Variants in CEP41 observed in about 807,000 individuals in gnomAD.
The protein encoded by CEP41 is centrosomal protein of 41 kDa.
CEP41 carries 32 observed loss-of-function variants against 44.3 expected under a neutral mutation model. The observed-to-expected ratio is 0.72, with a 90% confidence interval of 0.54 to 0.97. The LOEUF is 0.97. CEP41 is among the 50% of genes least tolerant of loss of function. The pLI, the probability that CEP41 is intolerant of heterozygous loss-of-function variation, is 0.00. For synonymous variants in CEP41, 151 were observed against 168.5 expected, an observed-to-expected ratio of 0.90 and a Z score of 0.80; for missense variants, 432 against 455.2, an observed-to-expected ratio of 0.95 and a Z score of 0.46.
chr7:130,398,956 G>C lies in CEP41; in HGVS notation c.1057C>G (p.Pro353Ala). 6.2e-7 allele frequency: 1 copy of C among 1,614,206 alleles called. No homozygotes were observed. Among genetic ancestry groups the C allele is most frequent in the Non-Finnish European group, 8.5e-7 (1 of 1,180,026 alleles). The change falls in exon 11 of 11, where the codon CCC (proline) becomes GCC (alanine). Residue 353 changes from proline (P) to alanine (A), a missense_variant. Transcript: ENST00000223208. ...GAGCGGGGGTTTGAGTGGCTGGCGG[G>C]GCCGCCACCTGGCAGATTCTGAGCG... ...RSAQNLPGGG[P>A]ASHSNPRSLS...
Position 130,412,183 on chromosome 7 carries a change from TG to T in CEP41, c.202del (p.Gln68SerfsTer2). ...FKRLKVTTFA[Q>X]LIIQVASLSD... ...TGGAAAAATCAAGAAACTTACCAGCTGGGCAAAAGTTGTAACTTTTAGTCTC... is the reference window on the plus strand; with the variant it reads ...TGGAAAAATCAAGAAACTTACCAGCTGGCAAAAGTTGTAACTTTTAGTCTC... On this transcript the variant is annotated frameshift_variant, in exon 4 of 11. Coordinates refer to ENST00000223208, the MANE Select transcript of CEP41 (RefSeq NM_018718.3). LOFTEE classifies it high-confidence loss of function. The T allele has an allele frequency of 1.9e-6, 3 of 1,541,850 alleles. No individual in the cohort carries two copies. Among genetic ancestry groups the T allele is most frequent in the Non-Finnish European group, 2.7e-6 (3 of 1,114,224 alleles).
intron 5 of CEP41, 105 bp downstream of exon 5, chr7:130,411,017 C>T (rs781991023): frequency 1.5e-5 from 14 of 936,940 alleles, no homozygotes; most frequent in South Asian, 2.6e-5. Flanking sequence ...CAAATAGATA[C>T]ATCAAAGTCC....
chr7:130,437,764 CAAAAAAAAAAA>C lies in CEP41; in HGVS notation c.33+3159_33+3169del, dbSNP rs1171735164. 1.2e-4 allele frequency among the ~76,000 whole-genome samples: 4 copies of C among 32,412 alleles called. No homozygotes were observed. In the South Asian group the frequency reaches 3.4e-3, roughly 27 times the overall value. 21.3% of individuals were successfully genotyped at this position (32,412 alleles called of 152,430 possible). A position where few individuals can be genotyped will look rare whatever the true frequency, so the allele number is the denominator to read the frequency against. ...CCTGGGTGACAAAGCAAGACTGTCTCAAAAAAAAAAAAAAAAAAAAAAAAGAAAAAGAAAAA... is the reference window on the plus strand; with the variant it reads ...CCTGGGTGACAAAGCAAGACTGTCTCAAAAAAAAAAAAAGAAAAAGAAAAA... On this transcript the variant is annotated intron_variant, in intron 1 of 10. Transcript: ENST00000223208.
At chr7:130,412,061 A>T in intron 4 of CEP41, 118 bp downstream of exon 4, 1 of 763,866 alleles carries the variant, frequency 1.3e-6, no homozygotes, top group South Asian at 1.4e-5. Context: ...TAGCTGAACG[A>T]CATACAAAGA....
chr7:130,404,823 C>T lies in CEP41; in HGVS notation c.278-115G>A, dbSNP rs1377508545. Reference sequence around the variant, plus strand: ...AATCTTATCATCATTATTAAATTGTCGTGGAAGTGCTAACGTACAAGTTCC... The same window carrying T: ...AATCTTATCATCATTATTAAATTGTTGTGGAAGTGCTAACGTACAAGTTCC... On this transcript the variant is annotated intron_variant, in intron 5 of 10. Coordinates refer to ENST00000223208, the MANE Select transcript of CEP41 (RefSeq NM_018718.3). The T allele has an allele frequency of 7.8e-5, 70 of 898,152 alleles. 1 individual carries two copies. The highest frequency in any genetic ancestry group is 1.1e-4 in the Non-Finnish European group (60 of 555,054). 55.6% of individuals were successfully genotyped at this position (898,152 alleles called of 1,614,324 possible). A position where few individuals can be genotyped will look rare whatever the true frequency, so the allele number is the denominator to read the frequency against.
At chr7:130,410,034 T>TTTTTTTTTTCTTTTA (rs1797130128) in intron 5 of CEP41, among the ~76,000 whole-genome samples, 1 of 149,490 alleles carries the variant, frequency 6.7e-6, no homozygotes. Context: ...GTCTTCTTTT[T>TTTTTTTTTTCTTTTA]TTTTTTTTTG....
intron 1 of CEP41, among the ~76,000 whole-genome samples, chr7:130,428,428 CAAAAAAAAAAAA>C (rs67847969): frequency 5.3e-5 from 2 of 38,084 alleles, no homozygotes; most frequent in Non-Finnish European, 9.1e-5. Context: ...GACTCTGACT[CAAAAAAAAAAAA>C]AAAAAAAAAA....
At chr7:130,422,985 C>T (rs1400569984) in intron 2 of CEP41, among the ~76,000 whole-genome samples, 2 of 152,230 alleles carry the variant, frequency 1.3e-5, no homozygotes, top group African/African-American at 4.8e-5. Flanking sequence ...CTCGCTCTGT[C>T]ACCGAGGCTG....
At chr7:130,399,840 T>G in intron 10 of CEP41, 199 bp downstream of exon 10, 6 of 549,212 alleles carry the variant, frequency 1.1e-5, no homozygotes, top group African/African-American at 1.9e-5. Flanking sequence ...AAAGTCGCTA[T>G]GTTTTGATAA....
chr7:130,421,953 C>A, intron 2 of CEP41: 1 of 1,535,718 alleles, frequency 6.5e-7, no homozygotes. Context: ...GAAGCATAAT[C>A]CATTCATGGC....
chr7:130,400,910 C>T, intron 8 of CEP41, 89 bp from the exon 9 acceptor site: 2 of 846,832 alleles, frequency 2.4e-6, no homozygotes, highest in Admixed American at 2.0e-5. Context: ...GTCAGGTCCA[C>T]CTGTCTGAGT....
chr7:130,406,611 TA>T (rs751088870), intron 5 of CEP41, among the ~76,000 whole-genome samples: 5 of 151,862 alleles, frequency 3.3e-5, no homozygotes, highest in Non-Finnish European at 7.4e-5. Context: ...AAAATAAAAA[TA>T]ACAAGTCTAA....
chr7:130,422,116 C>A, intron 2 of CEP41: 14 of 1,296,992 alleles, frequency 1.1e-5, no homozygotes, highest in Admixed American at 7.1e-5. Context: ...GGTATAAAAA[C>A]AAAAAATAAT....
intron 2 of CEP41, among the ~76,000 whole-genome samples, chr7:130,424,653 T>C (rs1435643985): frequency 1.3e-5 from 2 of 152,000 alleles, no homozygotes; most frequent in African/African-American, 4.8e-5. Flanking sequence ...CAATTGAATA[T>C]CCGTAAGCAA....
intron 2 of CEP41, among the ~76,000 whole-genome samples, chr7:130,425,446 G>A (rs937949921): frequency 6.6e-6 from 1 of 152,092 alleles, no homozygotes; most frequent in Non-Finnish European, 1.5e-5. Flanking sequence ...AAACTGCAAT[G>A]ATATATGCCA....
chr7:130,404,841 C>T (rs1554417898), intron 5 of CEP41, 133 bp from the exon 6 acceptor site: 1 of 781,578 alleles, frequency 1.3e-6, no homozygotes, highest in African/African-American at 1.7e-5. Context: ...TGCTAACGTA[C>T]AAGTTCCCAA....
intron 5 of CEP41, among the ~76,000 whole-genome samples, chr7:130,406,006 A>G (rs1330227003): frequency 6.6e-6 from 1 of 152,220 alleles, no homozygotes; most frequent in African/African-American, 2.4e-5. Context: ...TATGTAAAAC[A>G]ACGACGTTCT....
Position 130,404,610 on chromosome 7 carries a change from T to C in CEP41, c.376A>G (p.Ile126Val). Residue 126 changes from isoleucine to valine, a missense_variant, in exon 6 of 11, where the codon ATA becomes GTA. Physicochemically the swap from Ile to Val is conservative, Grantham distance 29. Transcript: ENST00000223208. The stretch of plus-strand genomic sequence containing the variant: ...GAGTCCCCTGCTCCTGCGTTGTTTA[T>C]GAACTGCTCAGGGCTCGGCGACTGC... ...GEQSPSPEQFINNAGAGDSSR... is the reference protein window; with the variant it reads ...GEQSPSPEQFVNNAGAGDSSR... 1 of 1,614,040 alleles carries C rather than the reference T, an allele frequency of 6.2e-7. No homozygotes were observed.
chr7:130,406,358 T>A (rs1276409480), intron 5 of CEP41, among the ~76,000 whole-genome samples: 1 of 151,600 alleles, frequency 6.6e-6, no homozygotes, highest in African/African-American at 2.4e-5. Flanking sequence ...CTGAGGCGGG[T>A]GGATCACTTG....
Sources: allele counts gnomAD v4.1 joint callset (sites outside exome capture counted in the v4.1 genomes callset), GRCh38; gene constraint gnomAD v4.1.1; transcripts MANE v1.5; gene names NCBI Gene and HGNC (gene_info 2026-07-23, HGNC 2026-07-21).